PLEKHG4B: variants seen among roughly 807,000 people sequenced by gnomAD.
PLEKHG4B encodes the protein pleckstrin homology and RhoGEF domain containing G4B, also known as pleckstrin homology domain-containing family G member 4B.
PLEKHG4B carries 111 observed loss-of-function variants against 121.3 expected under a neutral mutation model. The ratio of observed to expected loss-of-function variants is 0.92; its 90% CI spans 0.78 to 1.07. The LOEUF (loss-of-function observed/expected upper bound fraction) is 1.07, where lower values mean the gene tolerates loss of function less well. Among genes scored for constraint, PLEKHG4B ranks in the 50% least tolerant of loss-of-function variants. The probability of loss-of-function intolerance (pLI) is 0.00; values close to 1 mark genes in which losing one functional copy is unlikely to be tolerated. For synonymous variants in PLEKHG4B, 738 were observed against 725.0 expected (o/e 1.02, Z -0.29); for missense variants, 1,831 against 1,757.8 (o/e 1.04, Z -0.74).
intron 16 of PLEKHG4B, among the ~76,000 whole-genome samples, chr5:172,346 GGC>G (rs1736586044): frequency 6.6e-6 from 1 of 152,212 alleles, no homozygotes; most frequent in African/African-American, 2.4e-5. Context: ...CAGCCTGGTG[GGC>G]ACGGCGGCTC....
chr5:124,373 T>C (rs537207193), intron 2 of PLEKHG4B, among the ~76,000 whole-genome samples: 1 of 152,374 alleles, frequency 6.6e-6, no homozygotes, highest in East Asian at 1.9e-4. Flanking sequence ...TAGAGTGTTC[T>C]GCATATGTCT....
Position 182,045 on chromosome 5 carries a change from C to T in PLEKHG4B, c.4606C>T (p.His1536Tyr), listed in dbSNP as rs1215953876. Residue 1536 changes from histidine to tyrosine, a missense_variant, in exon 20 of 20, where the codon CAC (histidine) becomes TAC (tyrosine). Coordinates refer to ENST00000637938, the MANE Select transcript of PLEKHG4B (RefSeq NM_052909.5). ...RGSTAVSSSD[H>Y]AAPFKRPHST... ...GTCCACAGCGGTGTCCTCCTCTGACCACGCCGCCCCCTTCAAGCGACCACA... is the reference window on the plus strand; with the variant it reads ...GTCCACAGCGGTGTCCTCCTCTGACTACGCCGCCCCCTTCAAGCGACCACA... The T allele has an allele frequency of 1.9e-6, 3 of 1,614,116 alleles. No individual in the cohort carries two copies. Among genetic ancestry groups the T allele is most frequent in the South Asian group, 1.1e-5 (1 of 91,070 alleles).
In PLEKHG4B at chr5:135,685, ATATATATATATATATATATATAT is replaced by A. The variant is rs1734957823; in HGVS notation, c.244-3797_244-3775del. Reference sequence around the variant, plus strand: ...CATCTCAAAAAAAAAAAAAAAAAATATATATATATATATATATATATATATATATATATATATATATATGTATG... The same window carrying A: ...CATCTCAAAAAAAAAAAAAAAAAATAATATATATATATATATATATGTATG... On this transcript the variant is annotated intron_variant, in intron 2 of 19. Coordinates refer to ENST00000637938, the MANE Select transcript of PLEKHG4B (RefSeq NM_052909.5). 1.4e-3 allele frequency among the ~76,000 whole-genome samples: 43 copies of A among 31,066 alleles called. 1 individual carries two copies. The highest frequency in any genetic ancestry group is 2.2e-3 in the Non-Finnish European group (37 of 16,862). 20.4% of individuals were successfully genotyped at this position (31,066 alleles called of 152,430 possible). A position where few individuals can be genotyped will look rare whatever the true frequency, so the allele number is the denominator to read the frequency against.
intron 2 of PLEKHG4B, among the ~76,000 whole-genome samples, chr5:119,808 C>T (rs1282370847): frequency 1.3e-5 from 2 of 152,182 alleles, no homozygotes; most frequent in Admixed American, 6.5e-5. Context: ...ATTTAGGAAA[C>T]CTCTGGGCTG....
chr5:171,047 A>G lies in PLEKHG4B; in HGVS notation c.3734A>G (p.Glu1245Gly). The change falls in exon 15 of 20, where the codon GAG becomes GGG. Residue 1245 changes from glutamate to glycine, a missense_variant. Physicochemically the swap from Glu to Gly is moderately conservative, Grantham distance 98. Transcript: ENST00000637938. ...AVGRSFLRHE[E>G]QFGMYVIYSK... is the part of the protein sequence containing the mutation. ...CAGTCGCCTCTGCTTTTCCAGGAAG[A>G]GCAGTTTGGGATGTACGTGATCTAC... 1.2e-6 allele frequency: 2 copies of G among 1,610,796 alleles called. No individual in the cohort carries two copies. The highest frequency in any genetic ancestry group is 1.3e-5 in the African/African-American group (1 of 74,950).
In PLEKHG4B at chr5:152,377, C is replaced by CT. The variant is rs34114320; in HGVS notation, c.1992+793dup. 7.8e-3 allele frequency among the ~76,000 whole-genome samples: 1,121 copies of CT among 143,040 alleles called. 11 individuals are homozygous for CT. Among genetic ancestry groups the CT allele is most frequent in the South Asian group, 0.052 (226 of 4,348 alleles). 93.8% of individuals were successfully genotyped at this position (143,040 alleles called of 152,430 possible). A position where few individuals can be genotyped will look rare whatever the true frequency, so the allele number is the denominator to read the frequency against. The stretch of plus-strand genomic sequence containing the variant: ...AGGTGTGCACCCCCATGCCAAGCTA[C>CT]TTTTTTTTTTTTTTTAAGAGACAGG... On this transcript the variant is annotated intron_variant, in intron 7 of 19. Coordinates refer to ENST00000637938, the MANE Select transcript of PLEKHG4B (RefSeq NM_052909.5).
chr5:127,340 T>TTCATTA (rs1686746332), intron 2 of PLEKHG4B, among the ~76,000 whole-genome samples: 1 of 135,566 alleles, frequency 7.4e-6, no homozygotes, highest in Admixed American at 7.6e-5. Flanking sequence ...ATTGTTGGTT[T>TTCATTA]TTATTATTAT....
chr5:146,842 C>A (rs560107142), intron 6 of PLEKHG4B, among the ~76,000 whole-genome samples: 11 of 151,144 alleles, frequency 7.3e-5, no homozygotes, highest in Non-Finnish European at 1.5e-5. Flanking sequence ...TTAGAGTGAA[C>A]CTGCCTCTTG....
intron 2 of PLEKHG4B, among the ~76,000 whole-genome samples, chr5:118,046 T>C (rs1300101784): frequency 1.3e-5 from 2 of 151,736 alleles, no homozygotes; most frequent in Admixed American, 1.3e-4. Flanking sequence ...GTGACACGAG[T>C]CTAAAAAATA....
chr5:102,310 T>G (rs1456632267), intron 1 of PLEKHG4B, among the ~76,000 whole-genome samples: 1 of 152,120 alleles, frequency 6.6e-6, no homozygotes, highest in Non-Finnish European at 1.5e-5. Flanking sequence ...TGAGTATAAT[T>G]AAGCTTTTTT....
At chr5:109,307 G>C (rs1038494264) in intron 1 of PLEKHG4B, among the ~76,000 whole-genome samples, 2 of 147,970 alleles carry the variant, frequency 1.4e-5, no homozygotes, top group African/African-American at 5.1e-5. Context: ...TGAGAGAGGA[G>C]AATCACTTGA....
intron 7 of PLEKHG4B, among the ~76,000 whole-genome samples, chr5:153,874 C>T (rs1579295699): frequency 6.6e-6 from 1 of 152,216 alleles, no homozygotes; most frequent in East Asian, 1.9e-4. Flanking sequence ...TTGTTTTGTA[C>T]AGATGGGGGT....
intron 13 of PLEKHG4B, among the ~76,000 whole-genome samples, chr5:164,381 G>A (rs1486964791): frequency 6.6e-6 from 1 of 152,210 alleles, no homozygotes; most frequent in Non-Finnish European, 1.5e-5. Flanking sequence ...GATCTGACAG[G>A]AGGCGGAGCT....
chr5:93,167 G>A (rs1301951772), intron 1 of PLEKHG4B, among the ~76,000 whole-genome samples: 1 of 152,120 alleles, frequency 6.6e-6, no homozygotes, highest in Non-Finnish European at 1.5e-5. Flanking sequence ...AAATGTCATT[G>A]AAACGGTGCA....
At position 172,952 on chromosome 5, in the gene PLEKHG4B, G is replaced by A. The variant is rs1286112000; in HGVS notation, c.4106G>A (p.Cys1369Tyr). 1 of 1,614,208 alleles carries A rather than the reference G, an allele frequency of 6.2e-7. No individual in the cohort carries two copies. Among genetic ancestry groups the A allele is most frequent in the South Asian group, 1.1e-5 (1 of 91,082 alleles). ...TGCCGGGATGAGTTTATCGTTTGCTGCGGGAGGAAGAAGTATCTGAGGCAT... is the reference window on the plus strand; with the variant it reads ...TGCCGGGATGAGTTTATCGTTTGCTACGGGAGGAAGAAGTATCTGAGGCAT... The part of the protein sequence containing the change: ...LRCRDEFIVC[C>Y]GRKKYLRHVF... Residue 1369 changes from cysteine to tyrosine, a missense_variant, in exon 17 of 20, where the codon TGC (cysteine) becomes TAC (tyrosine). By Grantham distance (194) the Cys-to-Tyr change is radical. Coordinates refer to ENST00000637938, the MANE Select transcript of PLEKHG4B (RefSeq NM_052909.5).
rs183813182 is a variant in PLEKHG4B at position 156,625 on chromosome 5, C to T, written c.2349-148C>T. On this transcript the variant is annotated intron_variant, in intron 10 of 19. Coordinates refer to ENST00000637938, the MANE Select transcript of PLEKHG4B (RefSeq NM_052909.5). The surrounding 1 kb of genome is among the most constrained non-coding windows in gnomAD (Gnocchi z 4.4). Reference sequence around the variant, plus strand: ...GAACGCATGGAGCACATCTGTGCCCCGCCTCGGTTGTGGGCCTCCTCCTGG... The same window carrying T: ...GAACGCATGGAGCACATCTGTGCCCTGCCTCGGTTGTGGGCCTCCTCCTGG... The T allele has an allele frequency of 3.9e-5, 43 of 1,114,508 alleles. No individual in the cohort carries two copies. Among genetic ancestry groups the T allele is most frequent in the Admixed American group, 2.8e-4 (10 of 35,912 alleles). The allele number at this position is 1,114,508 out of a possible 1,614,324, so 69.0% of individuals were successfully genotyped here. A position where few individuals can be genotyped will look rare whatever the true frequency, so the allele number is the denominator to read the frequency against.
intron 2 of PLEKHG4B, among the ~76,000 whole-genome samples, chr5:123,280 A>G (rs531565894): frequency 2.0e-5 from 3 of 152,326 alleles, no homozygotes; most frequent in Admixed American, 6.5e-5. Flanking sequence ...CTCACAAAAT[A>G]CTTGGAAATT....
Position 143,473 on chromosome 5 carries a change from G to T in PLEKHG4B, c.1781G>T (p.Arg594Leu), listed in dbSNP as rs777970072. ...CACTCGTCCTGTGCTGAGCTGACCC[G>T]CCTGCTGCTGTACTTCCATAGCATC... Reference protein sequence around the residue: ...REHSSCAELTRLLLYFHSIPR... With the variant: ...REHSSCAELTLLLLYFHSIPR... Residue 594 changes from arginine to leucine, a missense_variant, in exon 5 of 20, where the codon CGC becomes CTC. Coordinates refer to ENST00000637938, the MANE Select transcript of PLEKHG4B (RefSeq NM_052909.5). 1 of 1,612,876 alleles carries T rather than the reference G, an allele frequency of 6.2e-7. No homozygotes were observed. The highest frequency in any genetic ancestry group is 1.7e-4 in the Middle Eastern group (1 of 6,058).
chr5:172,806 G>A (rs1435422495), intron 16 of PLEKHG4B, 91 bp from the exon 17 acceptor site: 81 of 1,429,564 alleles, frequency 5.7e-5, no homozygotes, highest in Middle Eastern at 2.1e-4. Flanking sequence ...GTCTTGTCAC[G>A]AAGCTAACAC....
Sources: allele counts gnomAD v4.1 joint callset (sites outside exome capture counted in the v4.1 genomes callset), GRCh38; gene constraint gnomAD v4.1.1; non-coding constraint Gnocchi (gnomAD v3.1); transcripts MANE v1.5; gene names NCBI Gene and HGNC (gene_info 2026-07-23, HGNC 2026-07-21).